MT4: variants seen among roughly 807,000 people sequenced by gnomAD.
The protein encoded by MT4 is metallothionein-4.
A neutral mutation model predicts 9.5 loss-of-function variants in MT4; 11 were observed. That is an observed-to-expected ratio of 1.16 (90% CI 0.73 to 1.92). The LOEUF is 1.92. Ranked by LOEUF, MT4 falls within the 30% of genes most tolerant of loss-of-function variation. MT4 has a pLI of 0.00. For synonymous variants in MT4, 29 were observed against 24.6 expected, an observed-to-expected ratio of 1.18 and a Z score of -0.53; for missense variants, 88 against 78.7, an observed-to-expected ratio of 1.12 and a Z score of -0.45.
rs1273931112 is a variant in MT4, at chr16:56,568,327, A to AAGAAAGAAAGAG, written c.98-503_98-502insGAGAAAGAAAGA. ...AAAGAAAGAAAGAAAGAAAGAAAGA[A>AAGAAAGAAAGAG]AGAAAGAAAGATCCCATCCCCACCC... On this transcript the variant is annotated intron_variant, in intron 2 of 2. Coordinates refer to ENST00000219162, the MANE Select transcript of MT4 (RefSeq NM_032935.3). Among the ~76,000 whole-genome samples, 21 of 148,754 alleles carry AAGAAAGAAAGAG rather than the reference A, an allele frequency of 1.4e-4. 1 individual carries two copies. Among genetic ancestry groups the AAGAAAGAAAGAG allele is most frequent in the African/African-American group, 5.1e-4 (20 of 39,270 alleles).
At chr16:56,567,278 C>T (rs965818988) in intron 1 of MT4, among the ~76,000 whole-genome samples, 2 of 151,968 alleles carry the variant, frequency 1.3e-5, no homozygotes, top group Non-Finnish European at 2.9e-5. Context: ...CCTGTCTTGG[C>T]CTCCCAAAGT....
rs1198609322 is a variant in MT4, at chr16:56,568,243, GAAAGAAAGAA to G, written c.97+429_97+438del. On this transcript the variant is annotated intron_variant, in intron 2 of 2. Transcript: ENST00000219162. Reference sequence around the variant, plus strand: ...AGAAAGAAAGAAAGAAAGAAAGAAAGAAAGAAAGAAAGAAAGAGAGAGAGAGAGAGAAAGA... The same window carrying G: ...AGAAAGAAAGAAAGAAAGAAAGAAAGAGAAAGAGAGAGAGAGAGAGAAAGA... Among the ~76,000 whole-genome samples the G allele has an allele frequency of 6.3e-3, 198 of 31,588 alleles. 7 individuals are homozygous for G. The highest frequency in any genetic ancestry group is 0.023 in the East Asian group (37 of 1,600). The allele number at this position is 31,588 out of a possible 152,430, so 20.7% of individuals were successfully genotyped here.
rs547417453 is a variant in MT4, at chr16:56,565,781, C to A, written c.31+622C>A. Among the ~76,000 whole-genome samples the A allele has an allele frequency of 3.9e-5, 6 of 152,296 alleles. No individual in the cohort carries two copies. The South Asian group carries it at 1.2e-3, about 32-fold the overall frequency. ...ATGGAAATGGTATGAAGAAGTCTCA[C>A]AAGTCTGGGTGGTGTGGCTCACAAC... On this transcript the variant is annotated intron_variant, in intron 1 of 2. Transcript: ENST00000219162.
At chr16:56,565,594 A>G (rs1459492720) in intron 1 of MT4, among the ~76,000 whole-genome samples, 3 of 152,178 alleles carry the variant, frequency 2.0e-5, no homozygotes, top group Non-Finnish European at 2.9e-5. Context: ...CAGAGCTGCT[A>G]TGAAAGTGCT....
intron 1 of MT4, among the ~76,000 whole-genome samples, chr16:56,566,146 C>T (rs1959515271): frequency 6.6e-6 from 1 of 151,910 alleles, no homozygotes; most frequent in African/African-American, 2.4e-5. Flanking sequence ...GTCTCTGTAC[C>T]AAAAACTTGC....
At chr16:56,568,275 A>AGAGAG (rs1410311513) in intron 2 of MT4, among the ~76,000 whole-genome samples, 2 of 93,528 alleles carry the variant, frequency 2.1e-5, no homozygotes, top group East Asian at 3.1e-4. Context: ...GAGAGAGAGA[A>AGAGAG]AGAAAGAAAG....
intron 1 of MT4, among the ~76,000 whole-genome samples, chr16:56,566,947 C>T (rs1460934197): frequency 1.3e-5 from 2 of 152,110 alleles, no homozygotes; most frequent in African/African-American, 4.8e-5. Context: ...AGTTCACTGA[C>T]GTTCCTTGAC....
At chr16:56,565,301 G>A in intron 1 of MT4, 142 bp downstream of exon 1, 1 of 758,902 alleles carries the variant, frequency 1.3e-6, no homozygotes. Flanking sequence ...CAGGTGGACT[G>A]GCCACCTCTG....
chr16:56,568,911 C>G lies in MT4; in HGVS notation c.168C>G (p.Asp56Glu). 1 of 1,606,538 alleles carries G rather than the reference C, an allele frequency of 6.2e-7. No individual in the cohort carries two copies. The highest frequency in any genetic ancestry group is 8.5e-7 in the Non-Finnish European group (1 of 1,176,112). The change falls in exon 3 of 3, where the codon GAC becomes GAG. Residue 56 changes from aspartate to glutamate, a missense_variant. Transcript: ENST00000219162. ...ARGCICKGGS[D>E]KCSCCP ...GCTGCATCTGCAAAGGAGGCTCAGA[C>G]AAGTGCAGCTGCTGCCCATGAAAGC...
chr16:56,567,889 A>G, intron 2 of MT4, 73 bp downstream of exon 2: 1 of 1,307,058 alleles, frequency 7.7e-7, no homozygotes, highest in South Asian at 1.2e-5. Context: ...GCAGTGGCTC[A>G]CGTCTGTAAT....
At position 56,567,768 on chromosome 16, in the gene MT4, G is replaced by A. The variant is rs1959554295; in HGVS notation, c.49G>A (p.Gly17Arg). 1 of 1,613,326 alleles carries A rather than the reference G, an allele frequency of 6.2e-7. No individual in the cohort carries two copies. The highest frequency in any genetic ancestry group is 8.5e-7 in the Non-Finnish European group (1 of 1,179,496). Residue 17 changes from glycine to arginine, a missense_variant, in exon 2 of 3, where the codon GGA becomes AGA. Coordinates refer to ENST00000219162, the MANE Select transcript of MT4 (RefSeq NM_032935.3). ...TCTTCTAGGAGGAATCTGCATGTGT[G>A]GAGACAACTGCAAATGCACAACCTG... ...VCMSGGICMC[G>R]DNCKCTTCNC...
In MT4 at chr16:56,568,889, G is replaced by T; in HGVS notation, c.146G>T (p.Cys49Phe). The change falls in exon 3 of 3, where the codon TGC (cysteine) becomes TTC (phenylalanine). Residue 49 changes from cysteine to phenylalanine, a missense_variant. Transcript: ENST00000219162. ...GGCTGTGCCAAATGTGCCCGGGGCTGCATCTGCAAAGGAGGCTCAGACAAG... is the reference window on the plus strand; with the variant it reads ...GGCTGTGCCAAATGTGCCCGGGGCTTCATCTGCAAAGGAGGCTCAGACAAG... ...PPGCAKCARG[C>F]ICKGGSDKCS... The T allele has an allele frequency of 1.2e-6, 2 of 1,608,206 alleles. No individual in the cohort carries two copies. Among genetic ancestry groups the T allele is most frequent in the Non-Finnish European group, 1.7e-6 (2 of 1,176,882 alleles).
intron 2 of MT4, among the ~76,000 whole-genome samples, chr16:56,568,314 A>T (rs1271009301): frequency 6.8e-6 from 1 of 147,580 alleles, no homozygotes; most frequent in Non-Finnish European, 1.5e-5. Flanking sequence ...AGAAAGAAAG[A>T]AAGAAAGAAA....
chr16:56,566,797 A>G lies in MT4; in HGVS notation c.32-954A>G, dbSNP rs181180924. ...AAGAAAGAAAGAAAGAAAGAAAGAA[A>G]GAAAGAAAGAAAGAAAGAAAGAAAA... On this transcript the variant is annotated intron_variant, in intron 1 of 2. Transcript: ENST00000219162. Among the ~76,000 whole-genome samples, 350 of 44,614 alleles carry G rather than the reference A, an allele frequency of 7.8e-3. 5 individuals are homozygous for G. The highest frequency in any genetic ancestry group is 0.017 in the African/African-American group (302 of 17,474). 29.3% of individuals were successfully genotyped at this position (44,614 alleles called of 152,430 possible).
At chr16:56,566,636 G>A (rs1959521409) in intron 1 of MT4, among the ~76,000 whole-genome samples, 1 of 147,906 alleles carries the variant, frequency 6.8e-6, no homozygotes, top group African/African-American at 2.5e-5. Context: ...GGGGGAGAGA[G>A]AGAGAGAAAG....
At chr16:56,567,997 A>G (rs567716014) in intron 2 of MT4, among the ~76,000 whole-genome samples, 181 bp downstream of exon 2, 1 of 151,864 alleles carries the variant, frequency 6.6e-6, no homozygotes, top group South Asian at 2.1e-4. Flanking sequence ...TACTAAAAAT[A>G]CAATAATTAG....
At chr16:56,568,294 A>AAAG (rs1959578223) in intron 2 of MT4, among the ~76,000 whole-genome samples, 1 of 145,566 alleles carries the variant, frequency 6.9e-6, no homozygotes, top group Admixed American at 6.8e-5. Flanking sequence ...AGAAAGAAAG[A>AAAG]AAGAAAGAAA....
chr16:56,568,820 C>T (rs368208785), intron 2 of MT4, 21 bp from the exon 3 acceptor site: 82 of 1,553,512 alleles, frequency 5.3e-5, no homozygotes, highest in East Asian at 4.7e-4. Flanking sequence ...AGCGGATCTG[C>T]GCATCTCCTG....
rs779895274 is a variant in MT4 at position 56,566,700 on chromosome 16, G to GAGAAAGAAAGAA, written c.32-1014_32-1003dup. ...GAGAAAAAGAAAAGAAAGAAAGAAA[G>GAGAAAGAAAGAA]AGAAAGAAAGAAAGAAAGAAAGAAA... On this transcript the variant is annotated intron_variant, in intron 1 of 2. Coordinates refer to ENST00000219162, the MANE Select transcript of MT4 (RefSeq NM_032935.3). 4.9e-4 allele frequency among the ~76,000 whole-genome samples: 36 copies of GAGAAAGAAAGAA among 73,454 alleles called. 1 individual carries two copies. Among genetic ancestry groups the GAGAAAGAAAGAA allele is most frequent in the African/African-American group, 2.0e-3 (34 of 16,602 alleles). 48.2% of individuals were successfully genotyped at this position (73,454 alleles called of 152,430 possible). A position where few individuals can be genotyped will look rare whatever the true frequency, so the allele number is the denominator to read the frequency against.
Sources: allele counts gnomAD v4.1 joint callset (sites outside exome capture counted in the v4.1 genomes callset), GRCh38; gene constraint gnomAD v4.1.1; transcripts MANE v1.5; gene names NCBI Gene and HGNC (gene_info 2026-07-23, HGNC 2026-07-21).